Variants in CENPK observed in about 807,000 individuals in gnomAD.
CENPK encodes centromere protein K.
In CENPK, 46 loss-of-function variants were observed where a neutral mutation model predicts 40.9. That is an observed-to-expected ratio of 1.13 (90% confidence interval 0.89 to 1.44). The LOEUF (loss-of-function observed/expected upper bound fraction) is 1.44, where lower values mean the gene tolerates loss of function less well. CENPK is among the 40% of genes most tolerant of loss of function. The probability of loss-of-function intolerance (pLI) is 0.00; values close to 1 mark genes in which losing one functional copy is unlikely to be tolerated. For missense variants in CENPK, 288 were observed against 303.5 expected (o/e 0.95, Z 0.38); for synonymous variants, 107 against 104.4 (o/e 1.02, Z -0.15).
the CENPK span, among the ~76,000 whole-genome samples, chr5:65,508,274 C>T: frequency 1.8e-4 from 27 of 152,152 alleles, no homozygotes; most frequent in Non-Finnish European, 3.4e-4. Flanking sequence ...AAAATTATTA[C>T]TAGGGTATTT....
At position 65,536,700 on chromosome 5, in the gene CENPK, ATTTAT is replaced by A. The variant is rs550735494; in HGVS notation, c.288+6097_288+6101del. 4.3e-4 allele frequency among the ~76,000 whole-genome samples: 65 copies of A among 151,732 alleles called. No individual in the cohort carries two copies. The South Asian group carries it at 0.011, about 27-fold the overall frequency. On this transcript the variant is annotated intron_variant, in intron 6 of 10. Coordinates refer to ENST00000396679, the MANE Select transcript of CENPK (RefSeq NM_022145.5). Reference sequence around the variant, plus strand: ...TATTCTGAGAAAATGTCCATGTATTATTTATTTTATTATTTCTTGCCTTCGATTTT... The same window carrying A: ...TATTCTGAGAAAATGTCCATGTATTATTTATTATTTCTTGCCTTCGATTTT...
At chr5:65,561,789 TC>T (rs2150573420) in intron 1 of CENPK, among the ~76,000 whole-genome samples, 1 of 152,256 alleles carries the variant, frequency 6.6e-6, no homozygotes, top group African/African-American at 2.4e-5. Flanking sequence ...TTAAAGAAAC[TC>T]GTACTATTAA....
chr5:65,542,158 G>A (rs1038985152), intron 6 of CENPK, among the ~76,000 whole-genome samples: 3 of 152,162 alleles, frequency 2.0e-5, no homozygotes, highest in East Asian at 1.9e-4. Context: ...AGATTTCAAC[G>A]TATGGATTTT....
chr5:65,530,782 T>C (rs13155887), intron 6 of CENPK, among the ~76,000 whole-genome samples: 4,802 of 151,982 alleles, frequency 0.032, 133 homozygotes, highest in South Asian at 0.086. Context: ...TGGTGCCACA[T>C]GCCTGTAGTC....
At chr5:65,508,826 T>C in the CENPK span, among the ~76,000 whole-genome samples, 17 of 149,496 alleles carry the variant, frequency 1.1e-4, no homozygotes, top group Non-Finnish European at 1.9e-4. Context: ...GTGAAACTTC[T>C]GGGAGAAAAT....
chr5:65,543,273 T>A (rs150673982), intron 5 of CENPK, among the ~76,000 whole-genome samples: 6 of 152,322 alleles, frequency 3.9e-5, no homozygotes, highest in South Asian at 2.1e-4. Context: ...ATTTTTAACA[T>A]CTTTGCACAT....
chr5:65,526,414 C>T (rs1744712929), intron 9 of CENPK, among the ~76,000 whole-genome samples: 1 of 151,900 alleles, frequency 6.6e-6, no homozygotes, highest in Admixed American at 6.6e-5. Context: ...AGCCTATAGA[C>T]AATTATAAAT....
At position 65,544,140 on chromosome 5, in the gene CENPK, C is replaced by G. The variant is rs373527678; in HGVS notation, c.242-1292G>C. Reference sequence around the variant, plus strand: ...ATAGATAGGTTTGTATTAGAATATTCAGTGCCTTGGAAGGGTTTGCTCTCT... The same window carrying G: ...ATAGATAGGTTTGTATTAGAATATTGAGTGCCTTGGAAGGGTTTGCTCTCT... On this transcript the variant is annotated intron_variant, in intron 5 of 10. Coordinates refer to ENST00000396679, the MANE Select transcript of CENPK (RefSeq NM_022145.5). 7.9e-4 allele frequency among the ~76,000 whole-genome samples: 121 copies of G among 152,270 alleles called. 1 individual carries two copies. The highest frequency in any genetic ancestry group is 3.9e-3 in the South Asian group (19 of 4,830).
chr5:65,541,421 T>G, intron 6 of CENPK: 1 of 456,226 alleles, frequency 2.2e-6, no homozygotes, highest in Non-Finnish European at 4.4e-6. Flanking sequence ...TAGGAGAGAA[T>G]CATCATCTGC....
chr5:65,516,686 A>G (rs1742879841), downstream of CENPK, among the ~76,000 whole-genome samples: 1 of 133,874 alleles, frequency 7.5e-6, no homozygotes, highest in Admixed American at 8.4e-5. Flanking sequence ...TAAAAATTTT[A>G]CATCTCTACA....
At chr5:65,506,451 C>A in the CENPK span, among the ~76,000 whole-genome samples, 1 of 151,730 alleles carries the variant, frequency 6.6e-6, no homozygotes, top group Non-Finnish European at 1.5e-5. Flanking sequence ...GAGTTCAGGG[C>A]CAGCCTGGAC....
chr5:65,536,924 C>A (rs1295208194), intron 6 of CENPK, among the ~76,000 whole-genome samples: 2 of 152,140 alleles, frequency 1.3e-5, no homozygotes, highest in African/African-American at 4.8e-5. Context: ...GGGGGCTCCA[C>A]CCTCATGAAG....
At chr5:65,516,333 G>A (rs1423805760), downstream of CENPK, among the ~76,000 whole-genome samples, 1 of 151,964 alleles carries the variant, frequency 6.6e-6, no homozygotes, top group East Asian at 1.9e-4. Flanking sequence ...TCTATTAATC[G>A]ATCTTTTGTT....
In CENPK at chr5:65,529,014, T is replaced by C. The variant is rs1195109001; in HGVS notation, c.375A>G (p.Glu125=). 4 of 1,605,760 alleles carry C rather than the reference T, an allele frequency of 2.5e-6. No homozygotes were observed. The highest frequency in any genetic ancestry group is 1.1e-5 in the South Asian group (1 of 90,282). The change falls in exon 8 of 11, where the codon GAA becomes GAG. Residue 125 remains glutamate, a synonymous_variant. Transcript: ENST00000396679. ...NEKLKEDLER[E]QRWLDEQQQI... ...GTTGCTGTTCATCCAACCACCGTTGTTCCCTTTCGACATGGAAAAACAATA... is the reference window on the plus strand; with the variant it reads ...GTTGCTGTTCATCCAACCACCGTTGCTCCCTTTCGACATGGAAAAACAATA...
chr5:65,561,953 C>T (rs1309146230), intron 1 of CENPK, among the ~76,000 whole-genome samples: 2 of 152,090 alleles, frequency 1.3e-5, no homozygotes, highest in African/African-American at 4.8e-5. Context: ...TGTAGAGCTT[C>T]CATTCTCATG....
At chr5:65,553,931 C>T (rs557126072) in intron 3 of CENPK, among the ~76,000 whole-genome samples, 1 of 152,198 alleles carries the variant, frequency 6.6e-6, no homozygotes, top group Non-Finnish European at 1.5e-5. Flanking sequence ...CCCCATAGTA[C>T]ACACTCAACA....
intron 9 of CENPK, 141 bp from the exon 10 acceptor site, chr5:65,521,669 C>T (rs1027064096): frequency 1.6e-5 from 10 of 617,982 alleles, no homozygotes; most frequent in East Asian, 6.4e-5. Flanking sequence ...GGCGCAATCT[C>T]GGTTCACTGC....
intron 9 of CENPK, among the ~76,000 whole-genome samples, chr5:65,525,677 A>G (rs1440201253): frequency 6.6e-6 from 1 of 152,252 alleles, no homozygotes; most frequent in Admixed American, 6.5e-5. Flanking sequence ...TTTTAAAAAT[A>G]AAGTCTTAAA....
the CENPK span, among the ~76,000 whole-genome samples, chr5:65,499,667 A>ATT: frequency 1.8e-5 from 2 of 109,664 alleles, no homozygotes; most frequent in Admixed American, 9.4e-5. Context: ...TTTTTTTTTA[A>ATT]TTTTTTTTTT....
Sources: allele counts gnomAD v4.1 joint callset (sites outside exome capture counted in the v4.1 genomes callset), GRCh38; gene constraint gnomAD v4.1.1; transcripts MANE v1.5; gene names NCBI Gene and HGNC (gene_info 2026-07-23, HGNC 2026-07-21).